The following ITGAX variants were observed in gnomAD, a reference collection of about 807,000 sequenced individuals.
ITGAX encodes integrin subunit alpha X.
Under a neutral mutation model 140.2 loss-of-function variants are expected in ITGAX, and 99 were observed. The observed-to-expected ratio is 0.71, with a 90% CI of 0.60 to 0.83. ITGAX has a LOEUF of 0.83. Among genes scored for constraint, ITGAX ranks in the 40% least tolerant of loss-of-function variants. ITGAX has a pLI of 0.00. For missense variants in ITGAX, 1,444 were observed against 1,482.0 expected (o/e 0.97, Z 0.42); for synonymous variants, 631 against 600.4 (o/e 1.05, Z -0.75).
Position 31,380,879 on chromosome 16 carries a change from G to C in ITGAX, c.3277-18G>C, listed in dbSNP as rs562476285. Reference sequence around the variant, plus strand: ...GTAGGAGGATGGGAGTGCTCTGACAGGGTCACTTCCACTTCAGACGACAAC... The same window carrying C: ...GTAGGAGGATGGGAGTGCTCTGACACGGTCACTTCCACTTCAGACGACAAC... On this transcript the variant is annotated intron_variant, in intron 28 of 29. Transcript: ENST00000268296. The C allele has an allele frequency of 2.0e-4, 317 of 1,605,556 alleles. 4 individuals carry two copies. In the South Asian group the frequency reaches 3.3e-3, roughly 16 times the overall value.
intron 17 of ITGAX, among the ~76,000 whole-genome samples, 159 bp downstream of exon 17, chr16:31,371,943 G>A (rs1204588015): frequency 6.6e-6 from 1 of 152,234 alleles, no homozygotes; most frequent in Non-Finnish European, 1.5e-5. Flanking sequence ...GAGTGAGTGA[G>A]CGAGCAAACA....
rs374036460 is a variant in ITGAX at position 31,373,515 on chromosome 16, G to A, written c.2508+125G>A. 4 of 980,564 alleles carry A rather than the reference G, an allele frequency of 4.1e-6. No homozygotes were observed. In the South Asian group the frequency reaches 6.2e-5, roughly 15 times the overall value. The allele number at this position is 980,564 out of a possible 1,614,324, so 60.7% of individuals were successfully genotyped here. A position where few individuals can be genotyped will look rare whatever the true frequency, so the allele number is the denominator to read the frequency against. ...CTGGGGCACGCCTCTGCTCGTGTGGGTGTTCAACTTTGGGCATCGCAGTTT... is the reference window on the plus strand; with the variant it reads ...CTGGGGCACGCCTCTGCTCGTGTGGATGTTCAACTTTGGGCATCGCAGTTT... On this transcript the variant is annotated intron_variant, in intron 20 of 29. Coordinates refer to ENST00000268296, the MANE Select transcript of ITGAX (RefSeq NM_000887.5).
intron 1 of ITGAX, 78 bp downstream of exon 1, chr16:31,355,369 T>TC: frequency 6.6e-7 from 1 of 1,510,682 alleles, no homozygotes; most frequent in Non-Finnish European, 9.2e-7. Flanking sequence ...GGGCTCAGGC[T>TC]GGGGGGTTAG....
chr16:31,373,536 A>C (rs1016318450), intron 20 of ITGAX, 146 bp downstream of exon 20: 2 of 765,170 alleles, frequency 2.6e-6, no homozygotes, highest in African/African-American at 3.6e-5. Context: ...TGGGCATCGC[A>C]GTTTAAGGAC....
chr16:31,381,041 C>T, intron 29 of ITGAX, 34 bp downstream of exon 29: 2 of 1,519,030 alleles, frequency 1.3e-6, no homozygotes, highest in Non-Finnish European at 1.8e-6. Flanking sequence ...ACACCACCAG[C>T]ATCTGGTCCC....
chr16:31,371,241 C>T (rs1237204300), intron 15 of ITGAX, 27 bp downstream of exon 15: 1 of 1,603,260 alleles, frequency 6.2e-7, no homozygotes, highest in Non-Finnish European at 8.5e-7. Context: ...TCAGAGGCTC[C>T]CCAGGTGGTC....
chr16:31,372,581 T>C lies in ITGAX; in HGVS notation c.2293-16T>C, dbSNP rs773515230. The C allele has an allele frequency of 1.4e-5, 22 of 1,613,954 alleles. No homozygotes were observed. The Admixed American group carries it at 3.7e-4, about 27-fold the overall frequency. On this transcript the variant is annotated splice_polypyrimidine_tract_variant and intron_variant, in intron 18 of 29. Coordinates refer to ENST00000268296, the MANE Select transcript of ITGAX (RefSeq NM_000887.5). ...CCTGGGTCTCGGAGAAAACCCCCCG[T>C]TGCCTTCCCACGCAGCTACCCTTTG... is the stretch of plus-strand genomic sequence containing the variant.
intron 14 of ITGAX, among the ~76,000 whole-genome samples, chr16:31,366,727 G>C (rs1386527010): frequency 6.6e-6 from 1 of 152,166 alleles, no homozygotes; most frequent in African/African-American, 2.4e-5. Flanking sequence ...TGTTGGCCAG[G>C]CTAGTCTGGA....
Position 31,382,230 on chromosome 16 carries a change from T to TTTTTTTTTTTTTTTTTTTC in ITGAX, c.*336_*337insTTTTTCTTTTTTTTTTTTT. On this transcript the variant is annotated 3_prime_UTR_variant, in exon 30 of 30. Transcript: ENST00000268296. ...CACGAATGATCTTTCTTTCCTTTCT[T>TTTTTTTTTTTTTTTTTTTC]TTTTTTTTTTTTTCTTTTCTTTTTT... is the stretch of plus-strand genomic sequence containing the variant. 1 of 754,354 alleles carries TTTTTTTTTTTTTTTTTTTC rather than the reference T, an allele frequency of 1.3e-6. No individual in the cohort carries two copies. The highest frequency in any genetic ancestry group is 1.2e-4 in the East Asian group (1 of 8,438). The allele number at this position is 754,354 out of a possible 1,614,324, so 46.7% of individuals were successfully genotyped here.
chr16:31,355,909 A>G lies in ITGAX; in HGVS notation c.54A>G (p.Leu18=). 1 of 1,613,486 alleles carries G rather than the reference A, an allele frequency of 6.2e-7. No individual in the cohort carries two copies. The highest frequency in any genetic ancestry group is 8.5e-7 in the Non-Finnish European group (1 of 1,179,548). Residue 18 remains leucine (L), a synonymous_variant, in exon 2 of 30, where the codon CTA becomes CTG. Transcript: ENST00000268296. The stretch of plus-strand genomic sequence containing the variant: ...CTTTCCCAGCCTTAGCAACTTCTCT[A>G]GGTTTCAACTTGGACACAGAGGAGC... ...LLLFTALATS[L]GFNLDTEELT... is the part of the protein sequence containing the mutation.
Position 31,359,913 on chromosome 16 carries a change from C to A in ITGAX, c.562-7C>A. ...GCCTCAGCCCCAGCCCTGTGTGCTTCTCCCAGTTTTCCCTGATGCAGTTCT... is the reference window on the plus strand; with the variant it reads ...GCCTCAGCCCCAGCCCTGTGTGCTTATCCCAGTTTTCCCTGATGCAGTTCT... On this transcript the variant is annotated splice_region_variant and splice_polypyrimidine_tract_variant and intron_variant, in intron 6 of 29. Coordinates refer to ENST00000268296, the MANE Select transcript of ITGAX (RefSeq NM_000887.5). 6.2e-7 allele frequency: 1 copy of A among 1,614,148 alleles called. No homozygotes were observed. Among genetic ancestry groups the A allele is most frequent in the Non-Finnish European group, 8.5e-7 (1 of 1,180,032 alleles).
At chr16:31,359,870 T>C in intron 6 of ITGAX, 40 bp downstream of exon 6, 1 of 1,613,984 alleles carries the variant, frequency 6.2e-7, no homozygotes, top group African/African-American at 1.3e-5. Context: ...GGGTGGGTGC[T>C]TCGATCCTGG....
Position 31,359,922 on chromosome 16 carries a change from T to G in ITGAX, c.564T>G (p.Phe188Leu), listed in dbSNP as rs757924387. 6.2e-7 allele frequency: 1 copy of G among 1,614,108 alleles called. No individual in the cohort carries two copies. The highest frequency in any genetic ancestry group is 1.1e-5 in the South Asian group (1 of 91,092). Residue 188 changes from phenylalanine to leucine, a missense_variant and splice_region_variant, in exon 7 of 30, where the codon TTT (phenylalanine) becomes TTG (leucine). Phe to Leu is a conservative substitution (Grantham distance 22). Coordinates refer to ENST00000268296, the MANE Select transcript of ITGAX (RefSeq NM_000887.5). ...CCAGCCCTGTGTGCTTCTCCCAGTT[T>G]TCCCTGATGCAGTTCTCCAACAAAT... ...ISQFQRPSTQ[F>L]SLMQFSNKFQ...
At chr16:31,381,137 A>C (rs1224154629) in intron 29 of ITGAX, 130 bp downstream of exon 29, 12 of 632,778 alleles carry the variant, frequency 1.9e-5, no homozygotes, top group Non-Finnish European at 3.3e-5. Flanking sequence ...ACTGCTTCCC[A>C]CCTGCAATGT....
At chr16:31,375,066 G>C (rs1233323866) in intron 20 of ITGAX, among the ~76,000 whole-genome samples, 1 of 151,386 alleles carries the variant, frequency 6.6e-6, no homozygotes, top group Non-Finnish European at 1.5e-5. Context: ...CCCAGGCTAG[G>C]GTGCAGTGGC....
In ITGAX at chr16:31,380,955, G is replaced by A. The variant is rs773381079; in HGVS notation, c.3335G>A (p.Ser1112Asn). The A allele has an allele frequency of 7.4e-6, 12 of 1,614,050 alleles. No homozygotes were observed. The South Asian group carries it at 1.3e-4, about 18-fold the overall frequency. The stretch of plus-strand genomic sequence containing the variant: ...AACCCCACCCCCCTCATCGTAGGCA[G>A]CTCCATTGGGGGTCTGTTGCTGCTG... Reference protein sequence around the residue: ...VHNPTPLIVGSSIGGLLLLAL... With the variant: ...VHNPTPLIVGNSIGGLLLLAL... The change falls in exon 29 of 30, where the codon AGC becomes AAC. Residue 1112 changes from serine (S) to asparagine (N), a missense_variant. Ser to Asn is a conservative substitution (Grantham distance 46, BLOSUM62 1). Coordinates refer to ENST00000268296, the MANE Select transcript of ITGAX (RefSeq NM_000887.5).
Position 31,362,195 on chromosome 16 carries a change from T to C in ITGAX, c.1207T>C (p.Ser403Pro). The C allele has an allele frequency of 1.2e-6, 2 of 1,613,804 alleles. No homozygotes were observed. The highest frequency in any genetic ancestry group is 1.7e-6 in the Non-Finnish European group (2 of 1,179,920). Residue 403 changes from serine to proline, a missense_variant, in exon 11 of 30, where the codon TCT (serine) becomes CCT (proline). Coordinates refer to ENST00000268296, the MANE Select transcript of ITGAX (RefSeq NM_000887.5). ...MSQENVDMRD[S>P]YLGYSTELAL... ...TCAGGAGAATGTGGACATGAGGGAC[T>C]CTTACCTGGGTGAGAAACAGCCAGG...
chr16:31,373,053 A>G (rs1327282521), intron 19 of ITGAX, among the ~76,000 whole-genome samples, 196 bp from the exon 20 acceptor site: 3 of 151,916 alleles, frequency 2.0e-5, no homozygotes, highest in African/African-American at 7.3e-5. Context: ...TAATCACACC[A>G]CTGCACTCCA....
rs1367499001 is a variant in ITGAX, at chr16:31,382,703, C to T, written c.*796C>T. 2 of 564,344 alleles carry T rather than the reference C, an allele frequency of 3.5e-6. No homozygotes were observed. The highest frequency in any genetic ancestry group is 3.1e-5 in the East Asian group (1 of 32,718). 35.0% of individuals were successfully genotyped at this position (564,344 alleles called of 1,614,324 possible). A position where few individuals can be genotyped will look rare whatever the true frequency, so the allele number is the denominator to read the frequency against. ...AGATGCCTGCATGCTGGGTTCTGCA[C>T]AGCTGGCCTCCCGCGTTGGGCAACA... On this transcript the variant is annotated 3_prime_UTR_variant, in exon 30 of 30. Transcript: ENST00000268296.
Sources: gnomAD v4.1 joint callset for allele counts (sites outside exome capture counted in the v4.1 genomes callset) on GRCh38, gnomAD v4.1.1 for gene constraint, MANE v1.5 for transcripts, NCBI Gene and HGNC (gene_info 2026-07-23, HGNC 2026-07-21) for gene names.